The following HS6ST3 variants were observed in gnomAD, a reference collection of about 807,000 sequenced individuals.
The protein encoded by HS6ST3 is heparan-sulfate 6-O-sulfotransferase 3.
HS6ST3 carries 12 observed loss-of-function variants against 36.7 expected under a neutral mutation model. The ratio of observed to expected loss-of-function variants is 0.33; its 90% CI spans 0.21 to 0.53. The LOEUF (loss-of-function observed/expected upper bound fraction) is 0.53. Among genes scored for constraint, HS6ST3 ranks in the 20% least tolerant of loss-of-function variants. The probability of loss-of-function intolerance (pLI) is 0.95; values close to 1 mark genes in which losing one functional copy is unlikely to be tolerated. For missense variants in HS6ST3, 584 were observed against 640.9 expected (o/e 0.91, Z 0.96); for synonymous variants, 240 against 257.5 (o/e 0.93, Z 0.65).
At chr13:96,434,408 C>T (rs2055631361) in intron 1 of HS6ST3, among the ~76,000 whole-genome samples, 1 of 152,158 alleles carries the variant, frequency 6.6e-6, no homozygotes, top group Non-Finnish European at 1.5e-5. Context: ...AATTCCCTTC[C>T]TTCCTTGACT....
At chr13:96,633,529 T>A (rs1594823044) in intron 1 of HS6ST3, among the ~76,000 whole-genome samples, 2 of 152,332 alleles carry the variant, frequency 1.3e-5, no homozygotes, top group East Asian at 3.9e-4. Flanking sequence ...AGAGGTATAA[T>A]GGACTCAGAT....
intron 1 of HS6ST3, among the ~76,000 whole-genome samples, chr13:96,321,764 C>T (rs577621259): frequency 6.6e-6 from 1 of 152,284 alleles, no homozygotes; most frequent in South Asian, 2.1e-4. Context: ...CAGATTCAAC[C>T]CTCTGCCTCT....
rs140636269 is a variant in HS6ST3 at position 96,487,055 on chromosome 13, A to G, written c.708-345435A>G. ...TAAAGCTAAGATTGGACCCTGTTCA[A>G]TTATCAATTACAATCAAAGACCATT... On this transcript the variant is annotated intron_variant, in intron 1 of 1. Transcript: ENST00000376705. Among the ~76,000 whole-genome samples, 773 of 152,260 alleles carry G rather than the reference A, an allele frequency of 5.1e-3. 6 individuals carry two copies. The highest frequency in any genetic ancestry group is 0.017 in the African/African-American group (720 of 41,558).
intron 1 of HS6ST3, among the ~76,000 whole-genome samples, chr13:96,703,840 G>A (rs1379532276): frequency 6.6e-6 from 1 of 152,072 alleles, no homozygotes; most frequent in Non-Finnish European, 1.5e-5. Flanking sequence ...GGATCATGGG[G>A]GCAGTTTTCC....
chr13:96,111,022 A>T (rs1410942751), intron 1 of HS6ST3, among the ~76,000 whole-genome samples: 1 of 152,204 alleles, frequency 6.6e-6, no homozygotes, highest in African/African-American at 2.4e-5. Context: ...AAGATATACC[A>T]TAGGTGATTT....
chr13:96,257,636 T>C (rs1450658618), intron 1 of HS6ST3, among the ~76,000 whole-genome samples: 1 of 152,218 alleles, frequency 6.6e-6, no homozygotes, highest in African/African-American at 2.4e-5. Flanking sequence ...AAATGCTCAT[T>C]ACAGTGCATA....
intron 1 of HS6ST3, among the ~76,000 whole-genome samples, chr13:96,110,804 A>G (rs2053864923): frequency 6.6e-6 from 1 of 152,182 alleles, no homozygotes; most frequent in Non-Finnish European, 1.5e-5. Context: ...TGGTTGAATT[A>G]TAAAGGGTCA....
At position 96,455,250 on chromosome 13, in the gene HS6ST3, G is replaced by A. The variant is rs373415122; in HGVS notation, c.707+363681G>A. On this transcript the variant is annotated intron_variant, in intron 1 of 1. Coordinates refer to ENST00000376705, the MANE Select transcript of HS6ST3 (RefSeq NM_153456.4). Reference sequence around the variant, plus strand: ...TTGTTGTTGTCGTTGTTTTTAGACAGCGTCTCACTCTGTCACCCAGGCTGG... The same window carrying A: ...TTGTTGTTGTCGTTGTTTTTAGACAACGTCTCACTCTGTCACCCAGGCTGG... Among the ~76,000 whole-genome samples, 15 of 152,276 alleles carry A rather than the reference G, an allele frequency of 9.9e-5. No homozygotes were observed. In the East Asian group the frequency reaches 1.2e-3, roughly 12 times the overall value.
chr13:96,776,935 A>G (rs1308643636), intron 1 of HS6ST3, among the ~76,000 whole-genome samples: 1 of 152,230 alleles, frequency 6.6e-6, no homozygotes, highest in Non-Finnish European at 1.5e-5. Context: ...TGATGCAAAA[A>G]TCCTCAGTAA....
intron 1 of HS6ST3, among the ~76,000 whole-genome samples, chr13:96,690,757 C>G (rs1184573119): frequency 1.3e-5 from 2 of 152,076 alleles, no homozygotes; most frequent in Non-Finnish European, 2.9e-5. Context: ...AAATTCATTA[C>G]AAACACATGG....
chr13:96,552,582 T>G (rs1367529588), intron 1 of HS6ST3, among the ~76,000 whole-genome samples: 1 of 152,140 alleles, frequency 6.6e-6, no homozygotes, highest in Non-Finnish European at 1.5e-5. Flanking sequence ...ATGCAAGTCT[T>G]GTGGGACTGC....
In HS6ST3 at chr13:96,256,251, G is replaced by T. The variant is rs149505946; in HGVS notation, c.707+164682G>T. 3.4e-3 allele frequency among the ~76,000 whole-genome samples: 519 copies of T among 152,244 alleles called. 5 individuals are homozygous for T. Among genetic ancestry groups the T allele is most frequent in the African/African-American group, 0.012 (496 of 41,550 alleles). The stretch of plus-strand genomic sequence containing the variant: ...TCACCATATAATAAGTGACAGTAAA[G>T]GTTGTATGAAATGTGAGTACCTTGT... On this transcript the variant is annotated intron_variant, in intron 1 of 1. Transcript: ENST00000376705.
intron 1 of HS6ST3, among the ~76,000 whole-genome samples, chr13:96,741,942 T>C (rs549972714): frequency 5.9e-5 from 9 of 152,288 alleles, no homozygotes; most frequent in Admixed American, 2.6e-4. Flanking sequence ...TTCATGCTAC[T>C]CTGACTGCCT....
chr13:96,779,045 C>A (rs1877461613), intron 1 of HS6ST3, among the ~76,000 whole-genome samples: 1 of 152,096 alleles, frequency 6.6e-6, no homozygotes, highest in African/African-American at 2.4e-5. Context: ...TGGAAACCAT[C>A]ATTCTCAGCA....
intron 1 of HS6ST3, among the ~76,000 whole-genome samples, chr13:96,378,151 G>T (rs1210805307): frequency 2.0e-5 from 3 of 152,078 alleles, no homozygotes; most frequent in Admixed American, 6.6e-5. Flanking sequence ...TTGAATACTG[G>T]GCTTTAGGCA....
At chr13:96,317,336 AT>A (rs2054975996) in intron 1 of HS6ST3, among the ~76,000 whole-genome samples, 1 of 26,738 alleles carries the variant, frequency 3.7e-5, no homozygotes, top group Non-Finnish European at 6.9e-5. Context: ...TTATATATAT[AT>A]ATATATATAT....
At chr13:96,295,359 G>GT (rs967936500) in intron 1 of HS6ST3, among the ~76,000 whole-genome samples, 7 of 151,822 alleles carry the variant, frequency 4.6e-5, no homozygotes, top group African/African-American at 1.7e-4. Flanking sequence ...GTTTCTTGTT[G>GT]TTTTTTTTCC....
intron 1 of HS6ST3, among the ~76,000 whole-genome samples, chr13:96,827,183 T>TA (rs1208579861): frequency 6.6e-6 from 1 of 152,220 alleles, no homozygotes; most frequent in Non-Finnish European, 1.5e-5. Context: ...GGACATGGAA[T>TA]ATTAGTCTTT....
At chr13:96,109,702 G>T (rs2053858926) in intron 1 of HS6ST3, among the ~76,000 whole-genome samples, 1 of 152,176 alleles carries the variant, frequency 6.6e-6, no homozygotes, top group Non-Finnish European at 1.5e-5. Context: ...GCCTAGAAAT[G>T]AAGATCCAAA....
Sources: gnomAD v4.1 joint callset for allele counts (sites outside exome capture counted in the v4.1 genomes callset) on GRCh38, gnomAD v4.1.1 for gene constraint, MANE v1.5 for transcripts, NCBI Gene and HGNC (gene_info 2026-07-23, HGNC 2026-07-21) for gene names.